RAD51B: variants seen among roughly 807,000 people sequenced by gnomAD.
RAD51B encodes the protein RAD51 paralog B, also known as DNA repair protein RAD51 homolog 2.
A neutral mutation model predicts 42.2 loss-of-function variants in RAD51B; 38 were observed. That is an observed-to-expected ratio of 0.90 (90% CI 0.70 to 1.18). The LOEUF (loss-of-function observed/expected upper bound fraction) is 1.18, where lower values mean the gene tolerates loss of function less well. RAD51B is among the 50% of genes most tolerant of loss of function. RAD51B has a pLI of 0.00. For missense variants in RAD51B, 373 were observed against 400.7 expected, an observed-to-expected ratio of 0.93 and a Z score of 0.59; for synonymous variants, 154 against 145.2, an observed-to-expected ratio of 1.06 and a Z score of -0.43.
At chr14:68,023,580 G>C (rs2075903568) in intron 7 of RAD51B, among the ~76,000 whole-genome samples, 2 of 152,124 alleles carry the variant, frequency 1.3e-5, no homozygotes, top group Admixed American at 1.3e-4. Context: ...GCCTGCCTCT[G>C]TCTCTCAAAG....
At chr14:68,185,666 GA>G (rs2079143458) in intron 7 of RAD51B, among the ~76,000 whole-genome samples, 1 of 151,962 alleles carries the variant, frequency 6.6e-6, no homozygotes, top group Non-Finnish European at 1.5e-5. Context: ...TTTTTCCGTG[GA>G]TGGGGGCGGG....
intron 9 of RAD51B, among the ~76,000 whole-genome samples, chr14:68,427,172 A>G (rs2084871658): frequency 6.6e-6 from 1 of 152,262 alleles, no homozygotes; most frequent in Non-Finnish European, 1.5e-5. Flanking sequence ...GAAATTTATC[A>G]CAGGGGCAGA....
chr14:68,432,285 A>G (rs1373865424), intron 9 of RAD51B, among the ~76,000 whole-genome samples: 1 of 152,186 alleles, frequency 6.6e-6, no homozygotes, highest in Non-Finnish European at 1.5e-5. Flanking sequence ...TGCAGAGCTG[A>G]GTTCAATTCC....
At chr14:68,499,227 G>T (rs1884751941) in intron 10 of RAD51B, among the ~76,000 whole-genome samples, 2 of 152,196 alleles carry the variant, frequency 1.3e-5, no homozygotes. Context: ...AGAACAGGAA[G>T]CCCTGGGACT....
At chr14:68,283,974 C>G (rs1241575065) in intron 7 of RAD51B, among the ~76,000 whole-genome samples, 1 of 152,258 alleles carries the variant, frequency 6.6e-6, no homozygotes, top group Non-Finnish European at 1.5e-5. Context: ...GCACTACTTG[C>G]GTCAGCCCCC....
At chr14:68,396,688 G>A (rs925842381) in intron 8 of RAD51B, among the ~76,000 whole-genome samples, 12 of 152,074 alleles carry the variant, frequency 7.9e-5, no homozygotes, top group Non-Finnish European at 1.2e-4. Context: ...GAAACCTGTC[G>A]TATGACTAAG....
chr14:68,337,769 A>G (rs1566817507), intron 8 of RAD51B, among the ~76,000 whole-genome samples: 1 of 151,948 alleles, frequency 6.6e-6, no homozygotes, highest in Admixed American at 6.6e-5. Context: ...AGAAATTTTT[A>G]TTTGTTTTGT....
At chr14:68,337,900 T>A (rs2082489490) in intron 8 of RAD51B, among the ~76,000 whole-genome samples, 1 of 152,114 alleles carries the variant, frequency 6.6e-6, no homozygotes, top group Admixed American at 6.6e-5. Flanking sequence ...GCCTCCTTAG[T>A]AGCTGGGACT....
At chr14:67,907,073 T>C (rs2043803722) in intron 7 of RAD51B, among the ~76,000 whole-genome samples, 1 of 152,068 alleles carries the variant, frequency 6.6e-6, no homozygotes, top group East Asian at 1.9e-4. Context: ...CCTCCCAAAG[T>C]TCTGGGATTA....
intron 11 of RAD51B, among the ~76,000 whole-genome samples, chr14:68,669,627 T>TCAC (rs956540802): frequency 2.7e-5 from 4 of 147,916 alleles, no homozygotes; most frequent in Admixed American, 1.3e-4. Context: ...ACCCGCCACT[T>TCAC]ACACACACAC....
chr14:67,907,466 GT>G (rs1002893082), intron 7 of RAD51B, among the ~76,000 whole-genome samples: 1 of 152,070 alleles, frequency 6.6e-6, no homozygotes, highest in African/African-American at 2.4e-5. Context: ...ATAAGGACTT[GT>G]TTCTGCTCCA....
chr14:68,352,140 A>G (rs948709250), intron 8 of RAD51B, among the ~76,000 whole-genome samples: 3 of 152,228 alleles, frequency 2.0e-5, no homozygotes, highest in African/African-American at 7.2e-5. Context: ...TCATCTCCTT[A>G]TAGGTGATAA....
At chr14:68,444,440 TTGTGTGTGTGTG>T (rs3837661) in intron 9 of RAD51B, among the ~76,000 whole-genome samples, 11 of 150,168 alleles carry the variant, frequency 7.3e-5, no homozygotes, top group Non-Finnish European at 1.2e-4. Flanking sequence ...GAATTGTGAA[TTGTGTGTGTGTG>T]TGTGTGTGTG....
intron 4 of RAD51B, among the ~76,000 whole-genome samples, chr14:67,853,790 C>G (rs1158848062): frequency 6.6e-6 from 1 of 152,034 alleles, no homozygotes; most frequent in African/African-American, 2.4e-5. Context: ...TAAAAATTTC[C>G]TAGGTTATTT....
At chr14:68,327,364 A>G (rs1378200930) in intron 8 of RAD51B, among the ~76,000 whole-genome samples, 1 of 113,590 alleles carries the variant, frequency 8.8e-6, no homozygotes, top group Non-Finnish European at 1.8e-5. Context: ...GCTATTCTTC[A>G]GTTTGTTTTT....
At chr14:67,862,125 G>C (rs1203034330) in intron 4 of RAD51B, among the ~76,000 whole-genome samples, 1 of 151,810 alleles carries the variant, frequency 6.6e-6, no homozygotes. Flanking sequence ...TAGAAGAGTA[G>C]ATTTTAAATG....
chr14:68,574,616 C>G (rs1889877898), intron 10 of RAD51B, among the ~76,000 whole-genome samples: 2 of 152,214 alleles, frequency 1.3e-5, no homozygotes, highest in South Asian at 4.1e-4. Flanking sequence ...TTTGAATCCA[C>G]CAGGCCCACT....
At chr14:68,669,299 C>T (rs1043465039) in intron 11 of RAD51B, among the ~76,000 whole-genome samples, 2 of 152,134 alleles carry the variant, frequency 1.3e-5, no homozygotes, top group Non-Finnish European at 1.5e-5. Flanking sequence ...ATATGTAGGC[C>T]CCCTGAGGCA....
chr14:68,326,837 T>C (rs4902566), intron 8 of RAD51B, among the ~76,000 whole-genome samples: 102,808 of 152,040 alleles, frequency 0.68, 35,034 homozygotes, highest in Non-Finnish European at 0.73. Flanking sequence ...TGCCCCTAGA[T>C]TGAGAAGGTG....
Sources: allele counts gnomAD v4.1 joint callset (sites outside exome capture counted in the v4.1 genomes callset), GRCh38; gene constraint gnomAD v4.1.1; transcripts MANE v1.5; gene names NCBI Gene and HGNC (gene_info 2026-07-23, HGNC 2026-07-21).